Variants in CSMD1 observed in about 807,000 individuals in gnomAD.
CSMD1 encodes CUB and Sushi multiple domains 1.
Under a neutral mutation model 417.5 loss-of-function variants are expected in CSMD1, and 213 were observed. The ratio of observed to expected loss-of-function variants is 0.51; its 90% CI spans 0.46 to 0.57. The LOEUF is 0.57. CSMD1 is among the 20% of genes least tolerant of loss of function. The pLI is 0.00. For missense variants in CSMD1, 6,923 were observed against 4,529.7 expected, an observed-to-expected ratio of 1.53 and a Z score of -15.17; for synonymous variants, 2,862 against 1,736.8, an observed-to-expected ratio of 1.65 and a Z score of -16.11.
chr8:3,979,867 G>A (rs897466650), intron 5 of CSMD1, among the ~76,000 whole-genome samples: 2 of 152,184 alleles, frequency 1.3e-5, no homozygotes, highest in African/African-American at 2.4e-5. Context: ...TATTTATACT[G>A]TAGACAGTCA....
At position 4,418,714 on chromosome 8, in the gene CSMD1, T is replaced by A. The variant is rs1797084948; in HGVS notation, c.415+1239A>T. On this transcript the variant is annotated intron_variant, in intron 3 of 69. Transcript: ENST00000635120. ...TGAAGTGGTACATTGATATCATCAA[T>A]GATACAATCAAAACTGAAAGCTAAT... is the stretch of plus-strand genomic sequence containing the variant. Among the ~76,000 whole-genome samples, 8 of 152,206 alleles carry A rather than the reference T, an allele frequency of 5.3e-5. No individual in the cohort carries two copies. In the South Asian group the frequency reaches 1.7e-3, roughly 31 times the overall value.
intron 7 of CSMD1, among the ~76,000 whole-genome samples, chr8:3,695,277 T>C (rs979477015): frequency 2.0e-5 from 3 of 152,156 alleles, no homozygotes; most frequent in Non-Finnish European, 4.4e-5. Context: ...TCTAAAATTA[T>C]AGTGCCGCGA....
At chr8:4,165,167 T>C (rs113440857) in intron 3 of CSMD1, among the ~76,000 whole-genome samples, 40 of 152,260 alleles carry the variant, frequency 2.6e-4, no homozygotes, top group African/African-American at 9.1e-4. Context: ...CTTAATATGA[T>C]ACCTACGCCT....
chr8:3,815,037 G>A (rs4515572), intron 5 of CSMD1, among the ~76,000 whole-genome samples: 121,543 of 152,146 alleles, frequency 0.8, 48,785 homozygotes, highest in African/African-American at 0.88. Context: ...AATGGTAGAA[G>A]AGGCACATGA....
chr8:3,791,583 G>A (rs1420643192), intron 5 of CSMD1, among the ~76,000 whole-genome samples: 1 of 152,162 alleles, frequency 6.6e-6, no homozygotes, highest in Non-Finnish European at 1.5e-5. Context: ...CAGCACTTTG[G>A]GAGGCCTAGG....
chr8:3,320,387 A>G (rs765027894), intron 23 of CSMD1, among the ~76,000 whole-genome samples: 9 of 152,144 alleles, frequency 5.9e-5, no homozygotes, highest in Non-Finnish European at 1.2e-4. Context: ...CCCATGCTGT[A>G]GCGATTTTTA....
At chr8:3,794,414 G>A (rs1799926807) in intron 5 of CSMD1, among the ~76,000 whole-genome samples, 1 of 152,050 alleles carries the variant, frequency 6.6e-6, no homozygotes, top group African/African-American at 2.4e-5. Context: ...CTAACAACCT[G>A]TACCTTTGTT....
chr8:3,307,575 C>A lies in CSMD1; in HGVS notation c.3950+120G>T, dbSNP rs550131769. ...AACAAAACTTTTAGCTACAGCTTTA[C>A]CTTTTCTTCTTTAGTTCAGAAACTT... On this transcript the variant is annotated intron_variant, in intron 25 of 69. Coordinates refer to ENST00000635120, the MANE Select transcript of CSMD1 (RefSeq NM_033225.6). 6.7e-6 allele frequency: 8 copies of A among 1,188,044 alleles called. No individual in the cohort carries two copies. The African/African-American group carries it at 9.2e-5, about 14-fold the overall frequency. The allele number at this position is 1,188,044 out of a possible 1,614,324, so 73.6% of individuals were successfully genotyped here.
intron 3 of CSMD1, among the ~76,000 whole-genome samples, chr8:4,243,361 G>C (rs1357652795): frequency 1.3e-5 from 2 of 152,110 alleles, no homozygotes; most frequent in African/African-American, 4.8e-5. Context: ...GCAATGCCGA[G>C]AGGGGCCCAA....
At chr8:4,412,492 C>G (rs1796704082) in intron 3 of CSMD1, among the ~76,000 whole-genome samples, 1 of 152,168 alleles carries the variant, frequency 6.6e-6, no homozygotes. Context: ...CCTGTCCAGC[C>G]TGCAGAACTG....
chr8:4,473,504 C>T (rs554871209), intron 2 of CSMD1, among the ~76,000 whole-genome samples: 1 of 152,184 alleles, frequency 6.6e-6, no homozygotes, highest in Admixed American at 6.5e-5. Context: ...AACCCCCACT[C>T]CCCTCTTGCA....
At chr8:4,213,046 C>G (rs150475024) in intron 3 of CSMD1, among the ~76,000 whole-genome samples, 1 of 151,986 alleles carries the variant, frequency 6.6e-6, no homozygotes, top group Non-Finnish European at 1.5e-5. Flanking sequence ...AATTTAAGAC[C>G]CACTCTAAGG....
At chr8:4,086,613 T>C (rs904113481) in intron 3 of CSMD1, among the ~76,000 whole-genome samples, 4 of 152,196 alleles carry the variant, frequency 2.6e-5, no homozygotes, top group Admixed American at 1.3e-4. Flanking sequence ...TAAAGTACAA[T>C]GCAGACGCGA....
rs1813320112 is a variant in CSMD1 at position 3,418,916 on chromosome 8, C to T, written c.1562-9311G>A. Among the ~76,000 whole-genome samples, 3 of 152,284 alleles carry T rather than the reference C, an allele frequency of 2.0e-5. No individual in the cohort carries two copies. The South Asian group carries it at 6.2e-4, about 32-fold the overall frequency. ...GCCAAGGTAGTAATGAGAAGCACCTCAGAATACATGAAAGGTATGCATAAT... is the reference window on the plus strand; with the variant it reads ...GCCAAGGTAGTAATGAGAAGCACCTTAGAATACATGAAAGGTATGCATAAT... On this transcript the variant is annotated intron_variant, in intron 12 of 69. Coordinates refer to ENST00000635120, the MANE Select transcript of CSMD1 (RefSeq NM_033225.6).
At position 3,084,446 on chromosome 8, in the gene CSMD1, C is replaced by T. The variant is rs1273015308; in HGVS notation, c.7474+2651G>A. Among the ~76,000 whole-genome samples the T allele has an allele frequency of 2.0e-5, 3 of 146,608 alleles. No individual in the cohort carries two copies. The South Asian group carries it at 6.4e-4, about 32-fold the overall frequency. On this transcript the variant is annotated intron_variant, in intron 49 of 69. Coordinates refer to ENST00000635120, the MANE Select transcript of CSMD1 (RefSeq NM_033225.6). The stretch of plus-strand genomic sequence containing the variant: ...GCTGAGGCAGGAGAATTACTTGAAC[C>T]TGGGAGGCAGAAGTTGCCGTGAGCC...
At chr8:3,634,119 G>C (rs1477632130) in intron 7 of CSMD1, among the ~76,000 whole-genome samples, 1 of 152,206 alleles carries the variant, frequency 6.6e-6, no homozygotes, top group East Asian at 1.9e-4. Flanking sequence ...TTTGGTTCTT[G>C]ACCTGATGCT....
chr8:4,421,308 G>C, intron 2 of CSMD1, among the ~76,000 whole-genome samples: 1 of 152,140 alleles, frequency 6.6e-6, no homozygotes, highest in South Asian at 2.1e-4. Context: ...CAAGAATACA[G>C]AACTCATCAA....
chr8:3,652,541 G>A lies in CSMD1; in HGVS notation c.1010-35744C>T, dbSNP rs150678669. Among the ~76,000 whole-genome samples the A allele has an allele frequency of 7.2e-5, 11 of 152,322 alleles. No homozygotes were observed. The East Asian group carries it at 1.7e-3, about 24-fold the overall frequency. On this transcript the variant is annotated intron_variant, in intron 7 of 69. Coordinates refer to ENST00000635120, the MANE Select transcript of CSMD1 (RefSeq NM_033225.6). ...CTCACATTTCAGCATGGCTGGGGAG[G>A]CCTCACAATCTTGGCAGAATGCAAA... is the stretch of plus-strand genomic sequence containing the variant.
intron 10 of CSMD1, among the ~76,000 whole-genome samples, chr8:3,516,649 G>A (rs929379969): frequency 1.3e-5 from 2 of 152,072 alleles, no homozygotes; most frequent in Non-Finnish European, 2.9e-5. Context: ...TAATTATTGT[G>A]TTTTTCTATA....
Sources: gnomAD v4.1 joint callset for allele counts (sites outside exome capture counted in the v4.1 genomes callset) on GRCh38, gnomAD v4.1.1 for gene constraint, MANE v1.5 for transcripts, NCBI Gene and HGNC (gene_info 2026-07-23, HGNC 2026-07-21) for gene names.